Variants in LARGE1 observed in about 807,000 individuals in gnomAD.
LARGE1 encodes the protein LARGE xylosyl- and glucuronyltransferase 1.
A neutral mutation model predicts 87.6 loss-of-function variants in LARGE1; 43 were observed. The observed-to-expected ratio is 0.49, with a 90% confidence interval of 0.38 to 0.63. The LOEUF is 0.63. Among genes scored for constraint, LARGE1 ranks in the 30% least tolerant of loss-of-function variants. The probability of loss-of-function intolerance (pLI) is 0.00; values close to 1 mark genes in which losing one functional copy is unlikely to be tolerated. For synonymous variants in LARGE1, 434 were observed against 394.6 expected, an observed-to-expected ratio of 1.10 and a Z score of -1.18; for missense variants, 802 against 1,000.2, an observed-to-expected ratio of 0.80 and a Z score of 2.67.
intron 6 of LARGE1, among the ~76,000 whole-genome samples, chr22:33,435,068 C>T (rs2067218117): frequency 6.6e-6 from 1 of 152,190 alleles, no homozygotes; most frequent in Non-Finnish European, 1.5e-5. Flanking sequence ...ATGGCGCCAT[C>T]TCGGCTCACT....
At chr22:33,308,812 G>C (rs914250138) in intron 11 of LARGE1, among the ~76,000 whole-genome samples, 1 of 152,158 alleles carries the variant, frequency 6.6e-6, no homozygotes, top group South Asian at 2.1e-4. Context: ...TCCAGTTCTT[G>C]TACTAAGCTG....
At chr22:33,651,029 G>A (rs1217171879) in intron 2 of LARGE1, among the ~76,000 whole-genome samples, 1 of 148,916 alleles carries the variant, frequency 6.7e-6, no homozygotes, top group Admixed American at 6.6e-5. Flanking sequence ...GAAAGACAAG[G>A]GAGGGGAGAA....
chr22:33,207,715 C>T (rs1924755810), intron 11 of LARGE1, among the ~76,000 whole-genome samples: 1 of 152,060 alleles, frequency 6.6e-6, no homozygotes, highest in Admixed American at 6.6e-5. Context: ...CCTTTGCTCA[C>T]ACAGATTGAA....
chr22:33,304,906 C>G (rs745756606), intron 11 of LARGE1, among the ~76,000 whole-genome samples: 6 of 152,168 alleles, frequency 3.9e-5, no homozygotes, highest in Non-Finnish European at 8.8e-5. Flanking sequence ...AGGACTTACA[C>G]AAACTTAGAG....
At chr22:33,136,878 G>A in the LARGE1 span, among the ~76,000 whole-genome samples, 1 of 151,800 alleles carries the variant, frequency 6.6e-6, no homozygotes, top group Non-Finnish European at 1.5e-5. Flanking sequence ...TTGTTTTGAG[G>A]GCTCTGTTAG....
chr22:33,374,695 G>A (rs2064935512), intron 9 of LARGE1, among the ~76,000 whole-genome samples: 1 of 152,082 alleles, frequency 6.6e-6, no homozygotes, highest in Non-Finnish European at 1.5e-5. Flanking sequence ...TGAACTGCAT[G>A]CTAAATGCTG....
chr22:33,289,159 C>T (rs1426976090), intron 12 of LARGE1, among the ~76,000 whole-genome samples: 3 of 152,090 alleles, frequency 2.0e-5, no homozygotes, highest in Admixed American at 6.5e-5. Context: ...AGGTTTTCAC[C>T]GTGTTAGCCA....
chr22:33,093,642 G>C, the LARGE1 span, among the ~76,000 whole-genome samples: 2 of 152,014 alleles, frequency 1.3e-5, no homozygotes, highest in East Asian at 3.9e-4. Flanking sequence ...TCCTGCCATA[G>C]ATAATCAAAT....
intron 6 of LARGE1, among the ~76,000 whole-genome samples, chr22:33,540,736 A>G (rs565504927): frequency 1.5e-4 from 23 of 152,246 alleles, no homozygotes; most frequent in Admixed American, 1.2e-3. Context: ...GATATGGGGT[A>G]GACCTGGGCA....
At chr22:33,408,686 T>C (rs920809558) in intron 7 of LARGE1, among the ~76,000 whole-genome samples, 5 of 151,168 alleles carry the variant, frequency 3.3e-5, no homozygotes, top group Non-Finnish European at 7.4e-5. Context: ...TGCCACAAAA[T>C]AGACTTGTCT....
chr22:33,192,762 CT>C, intron 11 of LARGE1, among the ~76,000 whole-genome samples: 1 of 152,166 alleles, frequency 6.6e-6, no homozygotes, highest in East Asian at 1.9e-4. Context: ...TGTCAAGAGG[CT>C]TTTTCTCTGT....
At chr22:33,328,441 A>G (rs1354114158) in intron 10 of LARGE1, among the ~76,000 whole-genome samples, 2 of 152,044 alleles carry the variant, frequency 1.3e-5, no homozygotes, top group Non-Finnish European at 2.9e-5. Flanking sequence ...TTAGCCTGGC[A>G]TGGTGGCAGG....
intron 4 of LARGE1, among the ~76,000 whole-genome samples, chr22:33,608,848 C>T (rs562209654): frequency 6.6e-6 from 1 of 152,180 alleles, no homozygotes; most frequent in East Asian, 1.9e-4. Context: ...TTCTCATCTC[C>T]AAAGCAGGAA....
chr22:33,096,627 C>T, the LARGE1 span, among the ~76,000 whole-genome samples: 3 of 149,716 alleles, frequency 2.0e-5, no homozygotes, highest in African/African-American at 4.9e-5. Context: ...TGCAGTGGCG[C>T]GATCTCGGCT....
In LARGE1 at chr22:33,896,081, C is replaced by T. The variant is rs1288425999; in HGVS notation, c.-83+23914G>A. Among the ~76,000 whole-genome samples, 3 of 152,202 alleles carry T rather than the reference C, an allele frequency of 2.0e-5. No homozygotes were observed. In the East Asian group the frequency reaches 5.8e-4, roughly 29 times the overall value. ...TGAAACTGTCTCCCCCTTAAAAGCT[C>T]ACTCCCAATTCTCTCCTTCCCCTAG... On this transcript the variant is annotated intron_variant, in intron 1 of 14. Transcript: ENST00000397394.
chr22:33,531,572 T>C (rs2072205016), intron 6 of LARGE1, among the ~76,000 whole-genome samples: 2 of 152,210 alleles, frequency 1.3e-5, no homozygotes, highest in Admixed American at 6.5e-5. Context: ...TGACTGAAGA[T>C]CACACAGCTA....
chr22:33,877,141 G>C (rs2064492870), intron 1 of LARGE1, among the ~76,000 whole-genome samples: 1 of 152,128 alleles, frequency 6.6e-6, no homozygotes, highest in Admixed American at 6.5e-5. Context: ...TGGATCCAGA[G>C]GTAAACAAAA....
Position 33,604,548 on chromosome 22 carries a change from G to A in LARGE1, c.502C>T (p.Leu168=). Residue 168 remains leucine (L), a synonymous_variant, in exon 5 of 15, where the codon CTG becomes TTG. Transcript: ENST00000397394. ...KSVLFHRRNP[L]HFHLIADSIA... ...GAGTCAGCAATAAGGTGGAAGTGCA[G>A]AGGGTTCCGTCTGTGGGGAGTGTGA... 1.9e-6 allele frequency: 3 copies of A among 1,614,168 alleles called. No individual in the cohort carries two copies. The highest frequency in any genetic ancestry group is 1.7e-6 in the Non-Finnish European group (2 of 1,180,002).
At chr22:33,833,624 G>C (rs907415277) in intron 1 of LARGE1, among the ~76,000 whole-genome samples, 5 of 152,198 alleles carry the variant, frequency 3.3e-5, no homozygotes, top group Non-Finnish European at 1.5e-5. Context: ...GATAGGGCTA[G>C]CAAACTAACA....
Sources: gnomAD v4.1 joint callset for allele counts (sites outside exome capture counted in the v4.1 genomes callset) on GRCh38, gnomAD v4.1.1 for gene constraint, MANE v1.5 for transcripts, NCBI Gene and HGNC (gene_info 2026-07-23, HGNC 2026-07-21) for gene names.